ANO1: variants seen among roughly 807,000 people sequenced by gnomAD.
ANO1 encodes anoctamin-1.
In ANO1, 59 loss-of-function variants were observed where a neutral mutation model predicts 124.0. The observed-to-expected ratio is 0.48, with a 90% CI of 0.39 to 0.59. The LOEUF (loss-of-function observed/expected upper bound fraction) is 0.59. ANO1 is among the 20% of genes least tolerant of loss of function. The probability of loss-of-function intolerance (pLI) is 0.00; values close to 1 mark genes in which losing one functional copy is unlikely to be tolerated. For missense variants in ANO1, 1,059 were observed against 1,328.0 expected (o/e 0.80, Z 3.15); for synonymous variants, 529 against 532.0 (o/e 0.99, Z 0.08).
At chr11:70,066,103 C>T (rs546884279) in intron 1 of ANO1, among the ~76,000 whole-genome samples, 28 of 152,316 alleles carry the variant, frequency 1.8e-4, no homozygotes, top group Middle Eastern at 3.4e-3. Flanking sequence ...TGACCCAGCC[C>T]CGGTTCTGTG....
In ANO1 at chr11:70,087,874, G is replaced by A; in HGVS notation, c.231G>A (p.Arg77=). 6.2e-7 allele frequency: 1 copy of A among 1,612,466 alleles called. No individual in the cohort carries two copies. ...ATCACAAGAGGCCCTCGGGCAACCG[G>A]ACCCTGGTCAGGAGGGTGCAGCACA... ...VYHHKRPSGN[R]TLVRRVQHSD... The change falls in exon 2 of 26, where the codon CGG becomes CGA. Residue 77 remains arginine, a synonymous_variant. Coordinates refer to ENST00000355303, the MANE Select transcript of ANO1 (RefSeq NM_018043.7).
At chr11:70,040,620 A>G (rs947404995) in intron 1 of ANO1, among the ~76,000 whole-genome samples, 1 of 152,140 alleles carries the variant, frequency 6.6e-6, no homozygotes, top group Non-Finnish European at 1.5e-5. Context: ...GTTTGCTGTG[A>G]GCCAAGATTG....
Position 70,156,939 on chromosome 11 carries a change from T to C in ANO1, c.1504-8T>C, listed in dbSNP as rs115600146. The C allele has an allele frequency of 1.2e-3, 1,950 of 1,613,244 alleles. 16 individuals are homozygous for C. The African/African-American group carries it at 0.024, about 20-fold the overall frequency. ...CCAGACAGTGACCGGCATTGTTTTG[T>C]GTTGTAGACTGACAAAGTGAAGCTG... On this transcript the variant is annotated splice_region_variant and splice_polypyrimidine_tract_variant and intron_variant, in intron 15 of 25. Coordinates refer to ENST00000355303, the MANE Select transcript of ANO1 (RefSeq NM_018043.7).
At chr11:70,031,404 G>T (rs1565164889) in intron 1 of ANO1, among the ~76,000 whole-genome samples, 1 of 152,196 alleles carries the variant, frequency 6.6e-6, no homozygotes. Flanking sequence ...ACTATTGACT[G>T]CAGTCCCTCT....
chr11:70,185,708 C>G lies in ANO1; in HGVS notation c.2694+13C>G. ...CATCGTCTTCCAGGTGCGGTGGGTC[C>G]CTCTTTGTTTCCGGTTTGAAGATGG... On this transcript the variant is annotated intron_variant, in intron 25 of 25. Coordinates refer to ENST00000355303, the MANE Select transcript of ANO1 (RefSeq NM_018043.7). 6.2e-7 allele frequency: 1 copy of G among 1,612,814 alleles called. No individual in the cohort carries two copies. The highest frequency in any genetic ancestry group is 8.5e-7 in the Non-Finnish European group (1 of 1,178,914).
At chr11:70,129,926 C>T (rs1259976685) in intron 10 of ANO1, among the ~76,000 whole-genome samples, 1 of 152,122 alleles carries the variant, frequency 6.6e-6, no homozygotes, top group Non-Finnish European at 1.5e-5. Flanking sequence ...TGGCCCTACA[C>T]CACTTTTTAA....
chr11:70,112,553 CTTTTTTT>C (rs11357130), intron 7 of ANO1, among the ~76,000 whole-genome samples: 31 of 136,824 alleles, frequency 2.3e-4, no homozygotes, highest in Admixed American at 6.6e-4. Flanking sequence ...CTTTTCTTTT[CTTTTTTT>C]TTTTTTTTTT....
At chr11:70,143,384 G>A (rs1211672481) in intron 11 of ANO1, among the ~76,000 whole-genome samples, 1 of 152,184 alleles carries the variant, frequency 6.6e-6, no homozygotes, top group Non-Finnish European at 1.5e-5. Flanking sequence ...GCGAAATTAG[G>A]GAAATTGGAG....
intron 1 of ANO1, among the ~76,000 whole-genome samples, chr11:70,087,237 G>A (rs1421197389): frequency 1.3e-5 from 2 of 152,088 alleles, no homozygotes; most frequent in African/African-American, 2.4e-5. Flanking sequence ...TGGAAAACTG[G>A]GTATTTTCCC....
chr11:70,145,616 A>T (rs2047340923), intron 11 of ANO1, among the ~76,000 whole-genome samples: 1 of 152,050 alleles, frequency 6.6e-6, no homozygotes, highest in Admixed American at 6.5e-5. Context: ...CTACCTGAAG[A>T]CACAGTACAA....
intron 1 of ANO1, among the ~76,000 whole-genome samples, chr11:70,028,687 C>T (rs984111730): frequency 2.0e-5 from 3 of 152,126 alleles, no homozygotes; most frequent in Non-Finnish European, 2.9e-5. Flanking sequence ...TCTTGAAGGG[C>T]GCGAGCATAG....
chr11:70,112,555 T>TTC (rs2045826256), intron 7 of ANO1, among the ~76,000 whole-genome samples: 1 of 107,480 alleles, frequency 9.3e-6, no homozygotes, highest in African/African-American at 3.4e-5. Context: ...TTTCTTTTCT[T>TTC]TTTTTTTTTT....
chr11:70,183,471 G>C (rs2049003731), intron 24 of ANO1, among the ~76,000 whole-genome samples: 1 of 152,206 alleles, frequency 6.6e-6, no homozygotes, highest in Non-Finnish European at 1.5e-5. Flanking sequence ...GCTCTCCTTG[G>C]CTTGGCCTGG....
At chr11:70,082,070 G>A in intron 1 of ANO1, among the ~76,000 whole-genome samples, 1 of 152,218 alleles carries the variant, frequency 6.6e-6, no homozygotes, top group African/African-American at 2.4e-5. Flanking sequence ...TCTCACAGAT[G>A]AGAAAACTGA....
intron 1 of ANO1, among the ~76,000 whole-genome samples, chr11:69,989,548 T>C (rs1856114016): frequency 6.6e-6 from 1 of 151,752 alleles, no homozygotes; most frequent in Non-Finnish European, 1.5e-5. Flanking sequence ...GTGGAGCCAG[T>C]GTGGGGGTCT....
Position 70,182,485 on chromosome 11 carries a change from C to T in ANO1, c.2404-17C>T. 1 of 1,520,964 alleles carries T rather than the reference C, an allele frequency of 6.6e-7. No homozygotes were observed. Among genetic ancestry groups the T allele is most frequent in the African/African-American group, 1.4e-5 (1 of 71,880 alleles). 94.2% of individuals were successfully genotyped at this position (1,520,964 alleles called of 1,614,324 possible). A position where few individuals can be genotyped will look rare whatever the true frequency, so the allele number is the denominator to read the frequency against. On this transcript the variant is annotated splice_polypyrimidine_tract_variant and intron_variant, in intron 23 of 25. Transcript: ENST00000355303. The stretch of plus-strand genomic sequence containing the variant: ...CCCAGGCTGGGGGTCCCCCTCACTG[C>T]CATGTCCCCTGCACAGGCCTTCGTG...
At chr11:70,173,160 A>G (rs2048539660) in intron 22 of ANO1, among the ~76,000 whole-genome samples, 1 of 152,158 alleles carries the variant, frequency 6.6e-6, no homozygotes, top group Non-Finnish European at 1.5e-5. Flanking sequence ...AAAGAGATGA[A>G]ATCGTCATTT....
At chr11:70,046,539 G>A (rs1857262143) in intron 1 of ANO1, among the ~76,000 whole-genome samples, 2 of 152,036 alleles carry the variant, frequency 1.3e-5, no homozygotes, top group Admixed American at 1.3e-4. Context: ...TAGGAATATG[G>A]CCATTTGAGA....
intron 1 of ANO1, among the ~76,000 whole-genome samples, chr11:70,080,255 G>A (rs1341016383): frequency 6.6e-6 from 1 of 152,246 alleles, no homozygotes; most frequent in Admixed American, 6.5e-5. Flanking sequence ...GCCCAGAGGG[G>A]CAGGTGACCA....
Sources: allele counts gnomAD v4.1 joint callset (sites outside exome capture counted in the v4.1 genomes callset), GRCh38; gene constraint gnomAD v4.1.1; transcripts MANE v1.5; gene names NCBI Gene and HGNC (gene_info 2026-07-23, HGNC 2026-07-21).